ZNF717: variants seen among roughly 807,000 people sequenced by gnomAD.
ZNF717 encodes zinc finger protein 717.
In ZNF717, 9 loss-of-function variants were observed where a neutral mutation model predicts 13.8. That is an observed-to-expected ratio of 0.65 (90% CI 0.39 to 1.14). ZNF717 has a LOEUF of 1.14. Ranked by LOEUF, ZNF717 falls within the 50% of genes most tolerant of loss-of-function variation. The probability of loss-of-function intolerance (pLI) is 0.01; values close to 1 mark genes in which losing one functional copy is unlikely to be tolerated. For missense variants in ZNF717, 1,040 were observed against 1,080.7 expected (o/e 0.96, Z 0.53); for synonymous variants, 327 against 364.1 (o/e 0.90, Z 1.16).
chr3:75,767,911 T>C (rs1357892950), intron 2 of ZNF717, among the ~76,000 whole-genome samples: 1 of 135,164 alleles, frequency 7.4e-6, no homozygotes, highest in Admixed American at 7.2e-5. Flanking sequence ...GGAAAAAAAA[T>C]GAAAAAGAAG....
At chr3:75,694,746 G>C (rs1937587645) in intron 6 of ZNF717, among the ~76,000 whole-genome samples, 1 of 152,206 alleles carries the variant, frequency 6.6e-6, no homozygotes, top group South Asian at 2.1e-4. Flanking sequence ...TTGTTTCTTT[G>C]TTGATGCAAT....
intron 2 of ZNF717, among the ~76,000 whole-genome samples, chr3:75,762,530 C>T (rs1490247846): frequency 4.2e-5 from 6 of 142,582 alleles, no homozygotes; most frequent in South Asian, 2.2e-4. Flanking sequence ...ATTTGAACAC[C>T]AAAAACTACA....
chr3:75,745,006 C>T lies in ZNF717; in HGVS notation c.58-3270G>A, dbSNP rs74431298. ...GACCCAATCATAGCATTCCAGAACA[C>T]GGCTGCCGGGGTCTGTGTGTTTGTC... On this transcript the variant is annotated intron_variant, in intron 2 of 4. Transcript: ENST00000652011. Among the ~76,000 whole-genome samples, 84 of 152,262 alleles carry T rather than the reference C, an allele frequency of 5.5e-4. No homozygotes were observed. In the East Asian group the frequency reaches 0.012, roughly 22 times the overall value.
intron 2 of ZNF717, among the ~76,000 whole-genome samples, chr3:75,781,217 T>G (rs1267184870): frequency 6.6e-6 from 1 of 152,276 alleles, no homozygotes. Flanking sequence ...CAGCTGCGTC[T>G]TGGCCAATCC....
chr3:75,770,575 T>C (rs530518274), intron 2 of ZNF717, among the ~76,000 whole-genome samples: 1 of 151,530 alleles, frequency 6.6e-6, no homozygotes, highest in Admixed American at 6.6e-5. Flanking sequence ...GAAAAAAAAA[T>C]TGAAAATAAA....
chr3:75,725,663 G>A (rs1198681267), downstream of ZNF717, among the ~76,000 whole-genome samples: 2 of 151,848 alleles, frequency 1.3e-5, no homozygotes, highest in South Asian at 2.1e-4. Flanking sequence ...ATGGCAGAAG[G>A]CAAAGATCAG....
chr3:75,731,781 G>A (rs1308204345), downstream of ZNF717, among the ~76,000 whole-genome samples: 76 of 152,164 alleles, frequency 5.0e-4, no homozygotes, highest in African/African-American at 1.7e-3. Context: ...AAAAGCTGAA[G>A]AGACTGAAAA....
chr3:75,753,736 G>A (rs1942190490), intron 2 of ZNF717, among the ~76,000 whole-genome samples: 3 of 51,606 alleles, frequency 5.8e-5, no homozygotes, highest in Admixed American at 1.9e-4. Flanking sequence ...TGATCTGAAT[G>A]TTTGTCCCTC....
intron 2 of ZNF717, among the ~76,000 whole-genome samples, chr3:75,744,867 T>C (rs1298716251): frequency 6.6e-6 from 1 of 152,196 alleles, no homozygotes; most frequent in Non-Finnish European, 1.5e-5. Flanking sequence ...AATCGGAGAC[T>C]AAATAACCTA....
downstream of ZNF717, among the ~76,000 whole-genome samples, chr3:75,735,362 G>GA (rs1245966534): frequency 1.6e-4 from 24 of 152,148 alleles, no homozygotes; most frequent in African/African-American, 5.1e-4. Context: ...TGCTAAAAGA[G>GA]AAAACAGGCC....
chr3:75,765,018 T>TATAC (rs1252032266), intron 2 of ZNF717, among the ~76,000 whole-genome samples: 1 of 48,298 alleles, frequency 2.1e-5, no homozygotes, highest in African/African-American at 7.7e-5. Context: ...TATATATATA[T>TATAC]ATATATATAT....
intron 2 of ZNF717, among the ~76,000 whole-genome samples, chr3:75,758,681 C>T (rs1379878336): frequency 6.6e-6 from 1 of 152,206 alleles, no homozygotes; most frequent in East Asian, 1.9e-4. Flanking sequence ...CCTCAGCAAT[C>T]ACCACCTTAC....
chr3:75,785,117 A>C (rs540119917), intron 1 of ZNF717: 5 of 152,436 alleles, frequency 3.3e-5, no homozygotes, highest in Admixed American at 1.3e-4. Context: ...CCAGTTTAAG[A>C]CTCGAGGCGC....
intron 2 of ZNF717, among the ~76,000 whole-genome samples, chr3:75,748,072 C>G (rs1941341839): frequency 6.6e-6 from 1 of 152,138 alleles, no homozygotes; most frequent in Admixed American, 6.6e-5. Flanking sequence ...CACCTCTACG[C>G]AAATAAACTA....
chr3:75,764,990 G>GATATAGATATATAT (rs1943325721), intron 2 of ZNF717, among the ~76,000 whole-genome samples: 2 of 102,298 alleles, frequency 2.0e-5, no homozygotes, highest in African/African-American at 8.9e-5. Context: ...TAAACAAAAG[G>GATATAGATATATAT]ATATATATAT....
chr3:75,724,997 G>A (rs1351272130), downstream of ZNF717, among the ~76,000 whole-genome samples: 1 of 152,186 alleles, frequency 6.6e-6, no homozygotes, highest in East Asian at 1.9e-4. Flanking sequence ...TTATGACTCA[G>A]TGAAACCCTC....
chr3:75,723,856 C>T (rs1333458503), intron 4 of ZNF717, among the ~76,000 whole-genome samples: 1 of 152,130 alleles, frequency 6.6e-6, no homozygotes, highest in African/African-American at 2.4e-5. Flanking sequence ...GACTCTGCTC[C>T]ACCACCTTTT....
chr3:75,708,478 A>G (rs6549771), downstream of ZNF717, among the ~76,000 whole-genome samples: 126,824 of 151,916 alleles, frequency 0.83, 52,928 homozygotes, highest in East Asian at 0.89. Flanking sequence ...CGTCACCACC[A>G]TCAAAGACCA....
intron 4 of ZNF717, among the ~76,000 whole-genome samples, chr3:75,739,974 T>A (rs1327359140): frequency 1.3e-5 from 2 of 152,304 alleles, no homozygotes; most frequent in Non-Finnish European, 2.9e-5. Context: ...AAACATGACA[T>A]CCCCTGCTTC....
Sources: gnomAD v4.1 joint callset for allele counts (sites outside exome capture counted in the v4.1 genomes callset) on GRCh38, gnomAD v4.1.1 for gene constraint, MANE v1.5 for transcripts, NCBI Gene and HGNC (gene_info 2026-07-23, HGNC 2026-07-21) for gene names.